Variants in ERG observed in about 807,000 individuals in gnomAD.
ERG encodes the protein ETS transcription factor ERG.
A neutral mutation model predicts 55.3 loss-of-function variants in ERG; 9 were observed. The observed-to-expected ratio is 0.16, with a 90% CI of 0.10 to 0.28. The LOEUF (loss-of-function observed/expected upper bound fraction) is 0.28. Among genes scored for constraint, ERG ranks in the 10% least tolerant of loss-of-function variants. The pLI, the probability that ERG is intolerant of heterozygous loss-of-function variation, is 1.00. For synonymous variants in ERG, 223 were observed against 237.3 expected, an observed-to-expected ratio of 0.94 and a Z score of 0.55; for missense variants, 434 against 631.6, an observed-to-expected ratio of 0.69 and a Z score of 3.35.
At chr21:38,567,821 G>A (rs1295240792) in intron 2 of ERG, among the ~76,000 whole-genome samples, 1 of 152,132 alleles carries the variant, frequency 6.6e-6, no homozygotes, top group Non-Finnish European at 1.5e-5. Flanking sequence ...AGATTCGGGC[G>A]CTTTCTGCAT....
At chr21:38,518,301 C>T (rs902021858) in intron 2 of ERG, among the ~76,000 whole-genome samples, 3 of 150,560 alleles carry the variant, frequency 2.0e-5, no homozygotes, top group Non-Finnish European at 4.4e-5. Flanking sequence ...TTTATAGTAT[C>T]CATTTTTAAA....
rs1488426470 is a variant in ERG, at chr21:38,381,338, C to T, written c.*2065G>A. On this transcript the variant is annotated 3_prime_UTR_variant, in exon 10 of 10. Transcript: ENST00000288319. Reference sequence around the variant, plus strand: ...ACCTTTTGAGTTGCCTTCACCTGGACCAAGGTTGGCAGCATTTGTGATTCA... The same window carrying T: ...ACCTTTTGAGTTGCCTTCACCTGGATCAAGGTTGGCAGCATTTGTGATTCA... 9.4e-7 allele frequency: 1 copy of T among 1,064,272 alleles called. No homozygotes were observed. Among genetic ancestry groups the T allele is most frequent in the Non-Finnish European group, 1.1e-6 (1 of 878,706 alleles). The allele number at this position is 1,064,272 out of a possible 1,614,324, so 65.9% of individuals were successfully genotyped here. A position where few individuals can be genotyped will look rare whatever the true frequency, so the allele number is the denominator to read the frequency against.
intron 5 of ERG, 99 bp downstream of exon 5, chr21:38,402,458 G>A: frequency 1.2e-6 from 1 of 825,340 alleles, no homozygotes; most frequent in South Asian, 1.5e-5. Flanking sequence ...CCTGCGTTCT[G>A]TCTTCCTGGC....
intron 1 of ERG, among the ~76,000 whole-genome samples, chr21:38,577,111 G>T (rs2059999293): frequency 1.3e-5 from 2 of 152,168 alleles, no homozygotes; most frequent in Non-Finnish European, 2.9e-5. Context: ...TAAACAATAT[G>T]ATTACAGAAC....
chr21:38,610,526 CGTGTGTGTGTGT>C (rs148197703), intron 1 of ERG, among the ~76,000 whole-genome samples: 2 of 150,384 alleles, frequency 1.3e-5, no homozygotes, highest in Non-Finnish European at 3.0e-5. Flanking sequence ...CGCGCACGCG[CGTGTGTGTGTGT>C]GTGTGTGTGT....
At chr21:38,402,708 C>A (rs2146453966) in intron 4 of ERG, 71 bp from the exon 5 acceptor site, 428 of 328,450 alleles carry the variant, frequency 1.3e-3, no homozygotes, top group Non-Finnish European at 1.9e-3. Context: ...AATTACCTTT[C>A]TTACAAAAAA....
intron 1 of ERG, among the ~76,000 whole-genome samples, chr21:38,611,994 A>G (rs1007559630): frequency 4.6e-5 from 7 of 152,224 alleles, no homozygotes; most frequent in African/African-American, 1.7e-4. Flanking sequence ...AAAATAAACT[A>G]AATTTAGTTG....
At chr21:38,508,442 G>C (rs1025784793) in intron 2 of ERG, among the ~76,000 whole-genome samples, 8 of 152,160 alleles carry the variant, frequency 5.3e-5, no homozygotes, top group Non-Finnish European at 8.8e-5. Flanking sequence ...TGAATGAGTG[G>C]ATGAGTGGAT....
intron 3 of ERG, among the ~76,000 whole-genome samples, chr21:38,415,765 A>G (rs181096965): frequency 2.0e-5 from 3 of 152,148 alleles, no homozygotes; most frequent in East Asian, 1.9e-4. Context: ...CTGAACTTAG[A>G]CCACCAAGAA....
chr21:38,494,855 G>A lies in ERG; in HGVS notation c.18+3508C>T, dbSNP rs1169966147. Among the ~76,000 whole-genome samples, 3 of 152,368 alleles carry A rather than the reference G, an allele frequency of 2.0e-5. No homozygotes were observed. In the East Asian group the frequency reaches 5.8e-4, roughly 29 times the overall value. On this transcript the variant is annotated intron_variant, in intron 1 of 9. Transcript: ENST00000288319. The stretch of plus-strand genomic sequence containing the variant: ...CAGGCAGAGGGCCAGGGAGAACTGT[G>A]CTGTGTCCACAGAGGGCAGCCTGGA...
At chr21:38,422,096 GAGACTGGC>G (rs1989570239) in intron 3 of ERG, among the ~76,000 whole-genome samples, 1 of 152,224 alleles carries the variant, frequency 6.6e-6, no homozygotes, top group Non-Finnish European at 1.5e-5. Context: ...AGGCCAACAG[GAGACTGGC>G]AGTCACAGGT....
intron 1 of ERG, among the ~76,000 whole-genome samples, chr21:38,613,893 A>G (rs1309050547): frequency 6.6e-6 from 1 of 152,092 alleles, no homozygotes. Flanking sequence ...CCTGCTGACC[A>G]AGCCTCCTCA....
chr21:38,368,478 A>G, the ERG span, among the ~76,000 whole-genome samples: 1 of 152,172 alleles, frequency 6.6e-6, no homozygotes, highest in Admixed American at 6.5e-5. Context: ...TGGTTGATGA[A>G]TGCTCATGAA....
chr21:38,478,964 T>C (rs2059213174), intron 1 of ERG, among the ~76,000 whole-genome samples: 1 of 152,152 alleles, frequency 6.6e-6, no homozygotes, highest in African/African-American at 2.4e-5. Flanking sequence ...TGACGAACTG[T>C]GTGGGCTGCC....
intron 1 of ERG, among the ~76,000 whole-genome samples, chr21:38,579,661 C>T (rs2060016095): frequency 6.6e-6 from 1 of 152,184 alleles, no homozygotes; most frequent in Non-Finnish European, 1.5e-5. Context: ...CTCACACCGC[C>T]ACCACCAGAG....
chr21:38,630,092 G>A (rs1243028511), intron 1 of ERG, among the ~76,000 whole-genome samples: 3 of 152,112 alleles, frequency 2.0e-5, no homozygotes, highest in Non-Finnish European at 4.4e-5. Context: ...CAGGTTACCA[G>A]GGGCTATGGA....
At chr21:38,409,189 G>A (rs1988921702) in intron 3 of ERG, among the ~76,000 whole-genome samples, 1 of 152,072 alleles carries the variant, frequency 6.6e-6, no homozygotes, top group Non-Finnish European at 1.5e-5. Context: ...GCAGAACTAA[G>A]TCTCTGTGAT....
intron 1 of ERG, among the ~76,000 whole-genome samples, chr21:38,606,793 G>T (rs1322491493): frequency 6.6e-6 from 1 of 152,096 alleles, no homozygotes; most frequent in Non-Finnish European, 1.5e-5. Context: ...TAGAAAGAAG[G>T]AAAAACAGAG....
intron 8 of ERG, 25 bp from the exon 9 acceptor site, chr21:38,391,067 A>G (rs766508724): frequency 2.5e-6 from 4 of 1,590,214 alleles, no homozygotes; most frequent in Non-Finnish European, 3.5e-6. Flanking sequence ...AACAAAGTCA[A>G]ATCCTAGACA....
Sources: gnomAD v4.1 joint callset for allele counts (sites outside exome capture counted in the v4.1 genomes callset) on GRCh38, gnomAD v4.1.1 for gene constraint, MANE v1.5 for transcripts, NCBI Gene and HGNC (gene_info 2026-07-23, HGNC 2026-07-21) for gene names.